Variants in TMEFF2 observed in about 807,000 individuals in gnomAD.
TMEFF2 encodes tomoregulin-2.
A neutral mutation model predicts 53.8 loss-of-function variants in TMEFF2; 28 were observed. The observed-to-expected ratio is 0.52, with a 90% CI of 0.39 to 0.71. The LOEUF is 0.71. Ranked by LOEUF, TMEFF2 falls within the 30% of genes least tolerant of loss-of-function variation. TMEFF2 has a pLI of 0.00. For synonymous variants in TMEFF2, 162 were observed against 166.3 expected (o/e 0.97, Z 0.20); for missense variants, 353 against 455.2 (o/e 0.78, Z 2.04).
intron 4 of TMEFF2, among the ~76,000 whole-genome samples, chr2:192,077,825 T>C (rs1312553826): frequency 1.3e-5 from 2 of 152,110 alleles, no homozygotes; most frequent in African/African-American, 4.8e-5. Context: ...TTTATATATA[T>C]AAGCACAACG....
intron 4 of TMEFF2, among the ~76,000 whole-genome samples, chr2:192,083,729 A>G (rs1042051338): frequency 2.7e-5 from 4 of 150,658 alleles, no homozygotes; most frequent in African/African-American, 9.8e-5. Flanking sequence ...TAGTATGTTC[A>G]TCGTTTCTTA....
At chr2:192,057,821 T>C (rs1242967232) in intron 4 of TMEFF2, 46 bp from the exon 5 acceptor site, 2 of 1,434,640 alleles carry the variant, frequency 1.4e-6, no homozygotes, top group Admixed American at 1.7e-5. Context: ...AATTGTGCAT[T>C]ATATCTACAA....
chr2:192,064,772 C>T (rs1399022404), intron 4 of TMEFF2, among the ~76,000 whole-genome samples: 1 of 151,788 alleles, frequency 6.6e-6, no homozygotes, highest in Non-Finnish European at 1.5e-5. Flanking sequence ...ATGTGAATTT[C>T]TTCTTTCTTG....
At chr2:191,966,786 C>T (rs528376039) in intron 7 of TMEFF2, among the ~76,000 whole-genome samples, 1 of 152,206 alleles carries the variant, frequency 6.6e-6, no homozygotes, top group African/African-American at 2.4e-5. Context: ...AGATGCTAAA[C>T]ACCACAATTA....
At chr2:192,099,576 A>G (rs1688987326) in intron 4 of TMEFF2, among the ~76,000 whole-genome samples, 1 of 152,162 alleles carries the variant, frequency 6.6e-6, no homozygotes, top group African/African-American at 2.4e-5. Context: ...TGTAAGAATA[A>G]CTTAAATTGT....
chr2:192,172,792 G>C (rs1395653814), intron 4 of TMEFF2, among the ~76,000 whole-genome samples: 1 of 151,856 alleles, frequency 6.6e-6, no homozygotes, highest in Non-Finnish European at 1.5e-5. Context: ...TCGGACTGCT[G>C]GTAGAATTGA....
intron 4 of TMEFF2, among the ~76,000 whole-genome samples, chr2:192,141,591 C>T (rs1690141460): frequency 6.6e-6 from 1 of 151,380 alleles, no homozygotes; most frequent in Non-Finnish European, 1.5e-5. Flanking sequence ...AGCTACTAAG[C>T]TAAGAGAAAC....
At chr2:191,962,234 G>A (rs1692294372) in intron 7 of TMEFF2, among the ~76,000 whole-genome samples, 1 of 152,120 alleles carries the variant, frequency 6.6e-6, no homozygotes, top group Non-Finnish European at 1.5e-5. Flanking sequence ...CTTTGCTAGT[G>A]AGGCAGTGGT....
intron 4 of TMEFF2, among the ~76,000 whole-genome samples, chr2:192,135,663 A>G (rs1351407596): frequency 6.6e-6 from 1 of 152,096 alleles, no homozygotes; most frequent in Non-Finnish European, 1.5e-5. Context: ...TCTTATTAAT[A>G]TAAGAAGGCA....
chr2:192,108,764 T>A (rs974559479), intron 4 of TMEFF2, among the ~76,000 whole-genome samples: 1 of 151,976 alleles, frequency 6.6e-6, no homozygotes, highest in African/African-American at 2.4e-5. Flanking sequence ...CACAGCAGTG[T>A]TATTCGCAAA....
At chr2:192,109,352 C>T (rs1689223675) in intron 4 of TMEFF2, among the ~76,000 whole-genome samples, 1 of 152,028 alleles carries the variant, frequency 6.6e-6, no homozygotes, top group Non-Finnish European at 1.5e-5. Context: ...TTGCAAATCC[C>T]TTTCTGTTTT....
At chr2:191,968,488 TGGCCACCTGTGCTTCTAAA>T (rs1449836230) in intron 7 of TMEFF2, among the ~76,000 whole-genome samples, 1 of 152,170 alleles carries the variant, frequency 6.6e-6, no homozygotes, top group African/African-American at 2.4e-5. Flanking sequence ...GCAGGACAAA[TGGCCACCTGTGCTTCTAAA>T]TTGCAGGCCT....
chr2:192,090,576 G>A, intron 4 of TMEFF2, among the ~76,000 whole-genome samples: 1 of 152,202 alleles, frequency 6.6e-6, no homozygotes, highest in African/African-American at 2.4e-5. Context: ...TGTGACATGA[G>A]CTAATTTTTA....
At chr2:192,037,025 G>A (rs1259354138) in intron 5 of TMEFF2, 1 of 152,060 alleles carries the variant, frequency 6.6e-6, no homozygotes, top group African/African-American at 2.4e-5. Context: ...GCTGTTTAAA[G>A]GCAAGGACCT....
chr2:192,012,637 A>G (rs1192292409), intron 5 of TMEFF2, among the ~76,000 whole-genome samples: 2 of 152,086 alleles, frequency 1.3e-5, no homozygotes, highest in Non-Finnish European at 2.9e-5. Context: ...CTAATTTAGG[A>G]TTTTTTTTCC....
At chr2:191,989,031 C>T (rs1686043924) in intron 7 of TMEFF2, among the ~76,000 whole-genome samples, 1 of 152,112 alleles carries the variant, frequency 6.6e-6, no homozygotes, top group South Asian at 2.1e-4. Flanking sequence ...ATTGGCCAAA[C>T]CACTTTAAAC....
intron 4 of TMEFF2, among the ~76,000 whole-genome samples, chr2:192,114,096 G>A (rs979250722): frequency 1.3e-5 from 2 of 150,692 alleles, no homozygotes; most frequent in African/African-American, 4.9e-5. Context: ...GTGTGTGTGT[G>A]TGTGTGTGTG....
At chr2:192,156,214 C>G (rs1280610072) in intron 4 of TMEFF2, among the ~76,000 whole-genome samples, 1 of 152,024 alleles carries the variant, frequency 6.6e-6, no homozygotes, top group East Asian at 1.9e-4. Context: ...TCTGTAGCTT[C>G]TTTAATTCAA....
At chr2:192,014,159 T>A (rs1686695871) in intron 5 of TMEFF2, among the ~76,000 whole-genome samples, 1 of 152,152 alleles carries the variant, frequency 6.6e-6, no homozygotes, top group South Asian at 2.1e-4. Context: ...ATTAGACATT[T>A]TGGTATTTAA....
Sources: gnomAD v4.1 joint callset for allele counts (sites outside exome capture counted in the v4.1 genomes callset) on GRCh38, gnomAD v4.1.1 for gene constraint, MANE v1.5 for transcripts, NCBI Gene and HGNC (gene_info 2026-07-23, HGNC 2026-07-21) for gene names.